The following C1orf185 variants were observed in gnomAD, a reference collection of about 807,000 sequenced individuals.
The protein encoded by C1orf185 is uncharacterized protein C1orf185.
A neutral mutation model predicts 16.1 loss-of-function variants in C1orf185; 13 were observed. The observed-to-expected ratio is 0.81, with a 90% CI of 0.53 to 1.28. The LOEUF is 1.28. Ranked by LOEUF, C1orf185 falls within the 50% of genes most tolerant of loss-of-function variation. C1orf185 has a pLI of 0.00. For missense variants in C1orf185, 220 were observed against 225.2 expected, an observed-to-expected ratio of 0.98 and a Z score of 0.15; for synonymous variants, 80 against 76.9, an observed-to-expected ratio of 1.04 and a Z score of -0.21.
At chr1:51,106,220 AT>A (rs1332622481) in intron 1 of C1orf185, among the ~76,000 whole-genome samples, 5 of 152,076 alleles carry the variant, frequency 3.3e-5, no homozygotes, top group African/African-American at 1.2e-4. Context: ...TTTAAAAAAA[AT>A]TTTTCTGATT....
chr1:51,105,976 A>C (rs1005050919), intron 1 of C1orf185, among the ~76,000 whole-genome samples: 4 of 152,202 alleles, frequency 2.6e-5, no homozygotes, highest in African/African-American at 9.6e-5. Flanking sequence ...TTTATATCTC[A>C]TTGCAATTCC....
intron 3 of C1orf185, among the ~76,000 whole-genome samples, chr1:51,133,452 A>C (rs1646300238): frequency 6.6e-6 from 1 of 152,260 alleles, no homozygotes; most frequent in Non-Finnish European, 1.5e-5. Context: ...TTTTAAAAAG[A>C]CAAAGAAAGG....
downstream of C1orf185, among the ~76,000 whole-genome samples, chr1:51,149,059 T>G (rs1646417961): frequency 6.6e-6 from 1 of 152,234 alleles, no homozygotes; most frequent in Admixed American, 6.5e-5. Context: ...GATTTAGAGT[T>G]TCTCTCCAGT....
chr1:51,148,189 T>C (rs1031910402), downstream of C1orf185: 2 of 155,008 alleles, frequency 1.3e-5, no homozygotes, highest in African/African-American at 4.8e-5. Flanking sequence ...AGTGGTGTGA[T>C]CTCAGTTCAC....
chr1:51,137,701 G>T (rs887010568), intron 3 of C1orf185, among the ~76,000 whole-genome samples: 1 of 152,062 alleles, frequency 6.6e-6, no homozygotes, highest in African/African-American at 2.4e-5. Flanking sequence ...CCCATTACTG[G>T]ATATTACCCA....
intron 1 of C1orf185, among the ~76,000 whole-genome samples, chr1:51,110,003 C>G (rs1646104571): frequency 6.6e-6 from 1 of 152,098 alleles, no homozygotes; most frequent in East Asian, 1.9e-4. Flanking sequence ...AACATCTATA[C>G]TTAACTGTTT....
chr1:51,120,324 A>G (rs1255785453), intron 3 of C1orf185, among the ~76,000 whole-genome samples: 1 of 152,210 alleles, frequency 6.6e-6, no homozygotes, highest in African/African-American at 2.4e-5. Context: ...ACAGATTTCA[A>G]TTCTGACTGT....
intron 2 of C1orf185, among the ~76,000 whole-genome samples, chr1:51,113,938 G>T (rs1038438788): frequency 6.6e-6 from 1 of 152,146 alleles, no homozygotes; most frequent in African/African-American, 2.4e-5. Context: ...AGTTTAAAAA[G>T]TTTCTGTTTA....
chr1:51,142,628 T>A (rs1489099167), intron 3 of C1orf185, among the ~76,000 whole-genome samples: 1 of 152,198 alleles, frequency 6.6e-6, no homozygotes, highest in Non-Finnish European at 1.5e-5. Flanking sequence ...TGGTAATTTG[T>A]GCCTTTCAAG....
chr1:51,145,877 TA>T, intron 4 of C1orf185, 117 bp downstream of exon 4: 1 of 460,540 alleles, frequency 2.2e-6, no homozygotes, highest in Non-Finnish European at 3.6e-6. Context: ...TATGAAACTG[TA>T]AGGGAAACAT....
chr1:51,120,646 T>C (rs1180211040), intron 3 of C1orf185, among the ~76,000 whole-genome samples: 1 of 152,240 alleles, frequency 6.6e-6, no homozygotes, highest in African/African-American at 2.4e-5. Context: ...TTTCTATGTA[T>C]GCATTTAATA....
At chr1:51,139,011 T>C (rs1646346174) in intron 3 of C1orf185, among the ~76,000 whole-genome samples, 1 of 152,180 alleles carries the variant, frequency 6.6e-6, no homozygotes, top group Admixed American at 6.5e-5. Context: ...CTTTTACATA[T>C]GGATGATTTG....
chr1:51,103,338 T>C (rs1264245017), intron 1 of C1orf185, among the ~76,000 whole-genome samples: 1 of 150,674 alleles, frequency 6.6e-6, no homozygotes, highest in Non-Finnish European at 1.5e-5. Flanking sequence ...CCCAGGACTT[T>C]GAGACTACAA....
At chr1:51,108,971 AT>A (rs781355117) in intron 1 of C1orf185, among the ~76,000 whole-genome samples, 30 of 152,106 alleles carry the variant, frequency 2.0e-4, no homozygotes, top group Non-Finnish European at 3.8e-4. Context: ...TGGTAGTTTT[AT>A]TTTTAGGTTT....
intron 1 of C1orf185, among the ~76,000 whole-genome samples, chr1:51,103,509 T>C (rs1456772559): frequency 6.6e-6 from 1 of 151,276 alleles, no homozygotes; most frequent in Admixed American, 6.6e-5. Context: ...TATTATTATA[T>C]GCATGTTAAA....
chr1:51,113,476 G>A (rs561279587), intron 2 of C1orf185, among the ~76,000 whole-genome samples: 86 of 152,086 alleles, frequency 5.7e-4, no homozygotes, highest in Middle Eastern at 6.8e-3. Flanking sequence ...CTGGGGTCAG[G>A]AGTTTGAGAC....
intron 1 of C1orf185, among the ~76,000 whole-genome samples, chr1:51,110,769 G>A (rs1213905751): frequency 6.6e-6 from 1 of 152,102 alleles, no homozygotes; most frequent in African/African-American, 2.4e-5. Flanking sequence ...AGGAGTTAGA[G>A]ACCAGCGTGG....
chr1:51,110,142 T>C (rs112926104), intron 1 of C1orf185, among the ~76,000 whole-genome samples: 263 of 152,362 alleles, frequency 1.7e-3, no homozygotes, highest in Non-Finnish European at 2.7e-3. Context: ...TTGAGAAAGC[T>C]ATTTAGCCTC....
At chr1:51,107,602 T>G (rs1646083203) in intron 1 of C1orf185, among the ~76,000 whole-genome samples, 2 of 152,326 alleles carry the variant, frequency 1.3e-5, no homozygotes, top group Non-Finnish European at 2.9e-5. Context: ...TCAGTTTTAT[T>G]CATACTGACA....
Sources: gnomAD v4.1 joint callset for allele counts (sites outside exome capture counted in the v4.1 genomes callset) on GRCh38, gnomAD v4.1.1 for gene constraint, MANE v1.5 for transcripts, NCBI Gene and HGNC (gene_info 2026-07-23, HGNC 2026-07-21) for gene names.